CA5A: variants seen among roughly 807,000 people sequenced by gnomAD.
CA5A encodes carbonic anhydrase 5A.
Under a neutral mutation model 37.1 loss-of-function variants are expected in CA5A, and 28 were observed. The ratio of observed to expected loss-of-function variants is 0.75; its 90% CI spans 0.56 to 1.03. The LOEUF is 1.03. Among genes scored for constraint, CA5A ranks in the 50% least tolerant of loss-of-function variants. The pLI is 0.00. For missense variants in CA5A, 444 were observed against 399.9 expected, an observed-to-expected ratio of 1.11 and a Z score of -0.94; for synonymous variants, 171 against 158.4, an observed-to-expected ratio of 1.08 and a Z score of -0.60.
At chr16:87,894,175 C>T (rs534578481) in intron 5 of CA5A, among the ~76,000 whole-genome samples, 1 of 151,928 alleles carries the variant, frequency 6.6e-6, no homozygotes, top group African/African-American at 2.4e-5. Flanking sequence ...GTCTTCCAGG[C>T]TGGAGTGCCG....
At chr16:87,924,558 C>T (rs902310277) in intron 2 of CA5A, among the ~76,000 whole-genome samples, 2 of 152,210 alleles carry the variant, frequency 1.3e-5, no homozygotes, top group South Asian at 2.1e-4. Flanking sequence ...CCGTGGGCAC[C>T]GTGCCTGCTC....
At chr16:87,900,674 G>T (rs1405268623) in intron 5 of CA5A, among the ~76,000 whole-genome samples, 1 of 152,248 alleles carries the variant, frequency 6.6e-6, no homozygotes, top group Non-Finnish European at 1.5e-5. Flanking sequence ...TTTTCGAGCT[G>T]CGCTGGATAC....
intron 2 of CA5A, among the ~76,000 whole-genome samples, chr16:87,923,340 CACCA>C (rs1436814650): frequency 6.6e-6 from 1 of 152,186 alleles, no homozygotes; most frequent in African/African-American, 2.4e-5. Flanking sequence ...AGGTGTGCGC[CACCA>C]ACCTGGCTAA....
At chr16:87,921,714 A>T (rs2056232911) in intron 2 of CA5A, among the ~76,000 whole-genome samples, 1 of 152,196 alleles carries the variant, frequency 6.6e-6, no homozygotes, top group Admixed American at 6.5e-5. Context: ...CCAGCCAGCA[A>T]CACAGCAGAT....
intron 2 of CA5A, among the ~76,000 whole-genome samples, chr16:87,910,382 G>C (rs1166911647): frequency 6.6e-6 from 1 of 152,172 alleles, no homozygotes; most frequent in South Asian, 2.1e-4. Flanking sequence ...GGTCCTGTGA[G>C]TCCAACTTTG....
intron 1 of CA5A, among the ~76,000 whole-genome samples, chr16:87,930,952 G>C (rs1414567222): frequency 6.6e-6 from 1 of 151,860 alleles, no homozygotes; most frequent in Non-Finnish European, 1.5e-5. Context: ...TGTTGGCTAG[G>C]ATGGTCTCGA....
In CA5A at chr16:87,914,405, A is replaced by G. The variant is rs151092186; in HGVS notation, c.341-9501T>C. On this transcript the variant is annotated intron_variant, in intron 2 of 6. Coordinates refer to ENST00000649794, the MANE Select transcript of CA5A (RefSeq NM_001739.2). Reference sequence around the variant, plus strand: ...GGGATGATGGCATATTGACCAAAACACTCAGGGGGTGCTAGCCACGCGGCG... The same window carrying G: ...GGGATGATGGCATATTGACCAAAACGCTCAGGGGGTGCTAGCCACGCGGCG... Among the ~76,000 whole-genome samples the G allele has an allele frequency of 8.1e-4, 124 of 152,184 alleles. 1 individual carries two copies. In the East Asian group the frequency reaches 0.011, roughly 14 times the overall value.
chr16:87,899,919 CAAAAAAAAAAAAA>C (rs565557401), intron 5 of CA5A, among the ~76,000 whole-genome samples: 45 of 46,528 alleles, frequency 9.7e-4, no homozygotes, highest in Admixed American at 2.5e-3. Context: ...GATTTTATCT[CAAAAAAAAAAAAA>C]AAAAAAAAAA....
At position 87,902,436 on chromosome 16, in the gene CA5A, C is replaced by T. The variant is rs149854962; in HGVS notation, c.544G>A (p.Val182Met). 164 of 1,606,788 alleles carry T rather than the reference C, an allele frequency of 1.0e-4. 1 individual carries two copies. The East Asian group carries it at 3.1e-3, about 30-fold the overall frequency. Residue 182 changes from valine to methionine, a missense_variant, in exon 4 of 7, where the codon GTG (valine) becomes ATG (methionine). Physicochemically the swap from Val to Met is conservative, Grantham distance 21 (BLOSUM62 1). Coordinates refer to ENST00000649794, the MANE Select transcript of CA5A (RefSeq NM_001739.2). ...GAGCAAGTGATTACCTTTAAAAACACGCCTATCACAGCCAAACCATTCTCT... is the reference window on the plus strand; with the variant it reads ...GAGCAAGTGATTACCTTTAAAAACATGCCTATCACAGCCAAACCATTCTCT... The part of the protein sequence containing the change: ...VGENGLAVIG[V>M]FLKLGAHHQT...
At position 87,893,125 on chromosome 16, in the gene CA5A, CCTTT is replaced by C. The variant is rs555248928; in HGVS notation, c.619-1175_619-1172del. 1,224 of 522,388 alleles carry C rather than the reference CCTTT, an allele frequency of 2.3e-3. 3 individuals carry two copies. The highest frequency in any genetic ancestry group is 0.01 in the African/African-American group (506 of 49,102). 32.4% of individuals were successfully genotyped at this position (522,388 alleles called of 1,614,324 possible). A position where few individuals can be genotyped will look rare whatever the true frequency, so the allele number is the denominator to read the frequency against. ...GCCTAGAGACATTTCTTTCTTTCTT[CCTTT>C]CTTTCTTTCTTTCTTTCTTTTTTTT... On this transcript the variant is annotated intron_variant, in intron 5 of 6. Coordinates refer to ENST00000649794, the MANE Select transcript of CA5A (RefSeq NM_001739.2).
At chr16:87,930,164 G>C (rs2056382925) in intron 1 of CA5A, among the ~76,000 whole-genome samples, 1 of 152,158 alleles carries the variant, frequency 6.6e-6, no homozygotes, top group Non-Finnish European at 1.5e-5. Context: ...TCTCAGCAGG[G>C]GGTTGGTCAT....
intron 2 of CA5A, among the ~76,000 whole-genome samples, chr16:87,913,525 G>A (rs1052389856): frequency 2.6e-5 from 4 of 152,166 alleles, no homozygotes; most frequent in East Asian, 1.9e-4. Context: ...GCTGTTTTGC[G>A]TGTGCTAGAG....
intron 1 of CA5A, among the ~76,000 whole-genome samples, chr16:87,932,166 G>A (rs1419460070): frequency 1.3e-5 from 2 of 151,974 alleles, no homozygotes; most frequent in Non-Finnish European, 2.9e-5. Context: ...GCATCCAACG[G>A]GAAGCAGGAT....
At chr16:87,900,040 C>T (rs1047431110) in intron 5 of CA5A, among the ~76,000 whole-genome samples, 5 of 151,520 alleles carry the variant, frequency 3.3e-5, no homozygotes, top group Admixed American at 6.6e-5. Context: ...ACTTCCTCCC[C>T]TGTCCCGGGC....
At position 87,911,685 on chromosome 16, in the gene CA5A, A is replaced by T. The variant is rs115144501; in HGVS notation, c.341-6781T>A. Among the ~76,000 whole-genome samples the T allele has an allele frequency of 0.022, 3,422 of 152,210 alleles. 160 individuals are homozygous for T. Among genetic ancestry groups the T allele is most frequent in the African/African-American group, 0.079 (3,279 of 41,514 alleles). Reference sequence around the variant, plus strand: ...AGCCACTGCAAGCCCCTGCCCACAGAACTCCGCGACGATGGAACCTAGACT... The same window carrying T: ...AGCCACTGCAAGCCCCTGCCCACAGTACTCCGCGACGATGGAACCTAGACT... On this transcript the variant is annotated intron_variant, in intron 2 of 6. Transcript: ENST00000649794. This position sits in a 1 kb window ranked among gnomAD's most constrained non-coding sequence, Gnocchi z 4.6.
chr16:87,913,163 G>C (rs2056077107), intron 2 of CA5A, among the ~76,000 whole-genome samples: 2 of 152,056 alleles, frequency 1.3e-5, no homozygotes. Context: ...ATTATTACCA[G>C]AGACAGGGTT....
chr16:87,888,370 A>T, intron 6 of CA5A, 98 bp from the exon 7 acceptor site: 2 of 1,054,818 alleles, frequency 1.9e-6, no homozygotes, highest in Non-Finnish European at 2.8e-6. Context: ...CCCATGCTGA[A>T]TCAGGATGGC....
intron 5 of CA5A, among the ~76,000 whole-genome samples, chr16:87,898,354 C>A (rs1417844878): frequency 6.6e-6 from 1 of 152,198 alleles, no homozygotes; most frequent in Non-Finnish European, 1.5e-5. Flanking sequence ...GGCCATCTGC[C>A]CTTGAGCCTG....
At chr16:87,888,294 G>C (rs753563039) in intron 6 of CA5A, 22 bp from the exon 7 acceptor site, 23 of 1,604,146 alleles carry the variant, frequency 1.4e-5, no homozygotes, top group Non-Finnish European at 7.7e-6. Flanking sequence ...GGCAGCCAGG[G>C]TGAGCTTGGT....
Sources: gnomAD v4.1 joint callset for allele counts (sites outside exome capture counted in the v4.1 genomes callset) on GRCh38, gnomAD v4.1.1 for gene constraint, Gnocchi (gnomAD v3.1) non-coding constraint, MANE v1.5 for transcripts, NCBI Gene and HGNC (gene_info 2026-07-23, HGNC 2026-07-21) for gene names.